NCAM2: variants seen among roughly 807,000 people sequenced by gnomAD.
NCAM2 encodes N-CAM-2.
In NCAM2, 30 loss-of-function variants were observed where a neutral mutation model predicts 98.1. The observed-to-expected ratio is 0.31, with a 90% CI of 0.23 to 0.41. The LOEUF is 0.41. Ranked by LOEUF, NCAM2 falls within the 10% of genes least tolerant of loss-of-function variation. The pLI is 1.00. For missense variants in NCAM2, 867 were observed against 1,005.8 expected (o/e 0.86, Z 1.87); for synonymous variants, 368 against 342.4 (o/e 1.07, Z -0.83).
At chr21:21,134,529 C>T (rs906169971) in intron 1 of NCAM2, among the ~76,000 whole-genome samples, 2 of 152,144 alleles carry the variant, frequency 1.3e-5, no homozygotes, top group African/African-American at 4.8e-5. Context: ...TCTACAGACA[C>T]TTTAGTCCTG....
intron 16 of NCAM2, among the ~76,000 whole-genome samples, chr21:21,532,115 G>C (rs1989737971): frequency 6.6e-6 from 1 of 151,806 alleles, no homozygotes; most frequent in Non-Finnish European, 1.5e-5. Flanking sequence ...TAATACTTAT[G>C]GTATTTATTA....
intron 1 of NCAM2, among the ~76,000 whole-genome samples, chr21:21,072,697 G>T (rs895114255): frequency 6.6e-6 from 1 of 152,006 alleles, no homozygotes; most frequent in African/African-American, 2.4e-5. Context: ...CCCATTATTA[G>T]TGTAACTTGC....
intron 1 of NCAM2, among the ~76,000 whole-genome samples, chr21:21,123,865 T>TTTTTTTTTTTTTTC (rs1601429348): frequency 6.8e-6 from 1 of 146,840 alleles, no homozygotes; most frequent in Non-Finnish European, 1.5e-5. Context: ...TTTTTTTTTT[T>TTTTTTTTTTTTTTC]GAGACGGAGT....
intron 1 of NCAM2, among the ~76,000 whole-genome samples, chr21:21,028,178 T>C (rs968338805): frequency 2.6e-5 from 4 of 152,174 alleles, no homozygotes; most frequent in Non-Finnish European, 5.9e-5. Flanking sequence ...TCTTAAGTTT[T>C]AAGAGTGGAC....
chr21:21,357,984 C>G (rs2075540419), intron 8 of NCAM2, among the ~76,000 whole-genome samples: 1 of 152,076 alleles, frequency 6.6e-6, no homozygotes. Context: ...CATGGTAGTA[C>G]ATCAACAGGG....
intron 6 of NCAM2, among the ~76,000 whole-genome samples, chr21:21,333,554 G>A (rs1156687032): frequency 6.6e-6 from 1 of 152,162 alleles, no homozygotes; most frequent in African/African-American, 2.4e-5. Context: ...TTTATATGAA[G>A]TAAGGAGATA....
At chr21:21,016,565 A>G (rs543382328) in intron 1 of NCAM2, among the ~76,000 whole-genome samples, 1 of 152,262 alleles carries the variant, frequency 6.6e-6, no homozygotes, top group Admixed American at 6.5e-5. Context: ...TCTACCAGCC[A>G]AGTTGCCATA....
chr21:21,105,064 G>A (rs556012428), intron 1 of NCAM2, among the ~76,000 whole-genome samples: 4 of 152,084 alleles, frequency 2.6e-5, no homozygotes, highest in Admixed American at 6.6e-5. Flanking sequence ...ATCCTGAGAC[G>A]GAAATGCTTA....
intron 1 of NCAM2, among the ~76,000 whole-genome samples, chr21:21,123,359 T>C (rs558784489): frequency 1.3e-5 from 2 of 151,330 alleles, no homozygotes; most frequent in African/African-American, 4.9e-5. Flanking sequence ...ATCGCGCCAC[T>C]GCACTCTAGC....
chr21:21,074,684 C>T (rs1272834038), intron 1 of NCAM2, among the ~76,000 whole-genome samples: 1 of 152,130 alleles, frequency 6.6e-6, no homozygotes, highest in Non-Finnish European at 1.5e-5. Flanking sequence ...TAGAGCCATC[C>T]CTACAATTAG....
intron 1 of NCAM2, among the ~76,000 whole-genome samples, chr21:21,110,660 T>G (rs2066436280): frequency 6.6e-6 from 1 of 151,204 alleles, no homozygotes; most frequent in African/African-American, 2.4e-5. Flanking sequence ...GTTATTTTTT[T>G]GGAAAAACCT....
intron 1 of NCAM2, among the ~76,000 whole-genome samples, chr21:21,202,377 A>G (rs1259288365): frequency 6.6e-6 from 1 of 150,418 alleles, no homozygotes; most frequent in African/African-American, 2.4e-5. Context: ...AAAGTATTAT[A>G]ATTACATGCC....
chr21:21,336,236 G>A (rs1328235020), intron 7 of NCAM2, among the ~76,000 whole-genome samples: 1 of 152,128 alleles, frequency 6.6e-6, no homozygotes, highest in East Asian at 1.9e-4. Flanking sequence ...ATGGCAGTGG[G>A]TGCTTCTAAT....
At position 21,067,211 on chromosome 21, in the gene NCAM2, C is replaced by A. The variant is rs182945226; in HGVS notation, c.55+68593C>A. Among the ~76,000 whole-genome samples, 12 of 151,800 alleles carry A rather than the reference C, an allele frequency of 7.9e-5. No individual in the cohort carries two copies. In the East Asian group the frequency reaches 2.3e-3, roughly 29 times the overall value. The stretch of plus-strand genomic sequence containing the variant: ...GCAAAACTTAATTGATTGTAACAAT[C>A]TATCTTTAAAGCTGGCATGAGAGAG... On this transcript the variant is annotated intron_variant, in intron 1 of 17. Transcript: ENST00000400546.
At chr21:21,118,394 GGAA>G (rs1193137261) in intron 1 of NCAM2, among the ~76,000 whole-genome samples, 1 of 152,134 alleles carries the variant, frequency 6.6e-6, no homozygotes, top group African/African-American at 2.4e-5. Context: ...TAGTAGTTCA[GGAA>G]GGAGAGAGGA....
chr21:21,162,623 G>A (rs965362441), intron 1 of NCAM2, among the ~76,000 whole-genome samples: 1 of 152,032 alleles, frequency 6.6e-6, no homozygotes, highest in African/African-American at 2.4e-5. Context: ...CACATTTAGT[G>A]AAAAAGTCCA....
In NCAM2 at chr21:21,541,167, A is replaced by G. The variant is rs1990216462; in HGVS notation, c.*3210A>G. 2 of 151,588 alleles carry G rather than the reference A, an allele frequency of 1.3e-5. No homozygotes were observed. Among genetic ancestry groups the G allele is most frequent in the Non-Finnish European group, 3.0e-5 (2 of 67,714 alleles). The allele number at this position is 151,588 out of a possible 1,614,324, so 9.4% of individuals were successfully genotyped here. A position where few individuals can be genotyped will look rare whatever the true frequency, so the allele number is the denominator to read the frequency against. ...AACAATTAATTGTAACTTTATGATC[A>G]TATCTTTGTTTATGCTTCTTATTTT... is the stretch of plus-strand genomic sequence containing the variant. On this transcript the variant is annotated 3_prime_UTR_variant, in exon 18 of 18. Coordinates refer to ENST00000400546, the MANE Select transcript of NCAM2 (RefSeq NM_004540.5).
At chr21:21,504,132 G>C (rs564138308) in intron 15 of NCAM2, among the ~76,000 whole-genome samples, 1 of 151,476 alleles carries the variant, frequency 6.6e-6, no homozygotes, top group African/African-American at 2.4e-5. Flanking sequence ...TTCATTACTC[G>C]TTGGTGAATA....
intron 7 of NCAM2, among the ~76,000 whole-genome samples, chr21:21,338,165 G>A (rs994149710): frequency 4.6e-5 from 7 of 152,038 alleles, no homozygotes; most frequent in African/African-American, 1.7e-4. Flanking sequence ...GTCACCTCAA[G>A]TTATTTTGTA....
Sources: gnomAD v4.1 joint callset for allele counts (sites outside exome capture counted in the v4.1 genomes callset) on GRCh38, gnomAD v4.1.1 for gene constraint, MANE v1.5 for transcripts, NCBI Gene and HGNC (gene_info 2026-07-23, HGNC 2026-07-21) for gene names.